The following ACTN4 variants were observed in gnomAD, a reference collection of about 807,000 sequenced individuals.
ACTN4 encodes actinin alpha 4.
A neutral mutation model predicts 114.2 loss-of-function variants in ACTN4; 18 were observed. The observed-to-expected ratio is 0.16, with a 90% confidence interval of 0.11 to 0.23. The LOEUF is 0.23. Among genes scored for constraint, ACTN4 ranks in the 10% least tolerant of loss-of-function variants. ACTN4 has a pLI of 1.00. For missense variants in ACTN4, 722 were observed against 1,262.9 expected (o/e 0.57, Z 6.49); for synonymous variants, 515 against 506.3 (o/e 1.02, Z -0.23).
At chr19:38,689,487 T>G (rs1430904075) in intron 1 of ACTN4, among the ~76,000 whole-genome samples, 1 of 151,818 alleles carries the variant, frequency 6.6e-6, no homozygotes, top group Non-Finnish European at 1.5e-5. Flanking sequence ...GTTCCTTGTA[T>G]TTTTGGTTTT....
chr19:38,686,601 G>A (rs1967751046), intron 1 of ACTN4, among the ~76,000 whole-genome samples: 1 of 152,220 alleles, frequency 6.6e-6, no homozygotes, highest in Non-Finnish European at 1.5e-5. Context: ...TTTCAAGGTA[G>A]GCCTCACCAT....
chr19:38,692,203 A>G (rs1294059322), intron 1 of ACTN4, among the ~76,000 whole-genome samples: 5 of 152,214 alleles, frequency 3.3e-5, no homozygotes, highest in Non-Finnish European at 7.3e-5. Flanking sequence ...TTGCTTTCAA[A>G]TTAGGTTATG....
At chr19:38,709,023 C>G (rs1222991144) in intron 6 of ACTN4, among the ~76,000 whole-genome samples, 6 of 152,162 alleles carry the variant, frequency 3.9e-5, no homozygotes, top group Admixed American at 3.9e-4. Flanking sequence ...GCTCCCCTTA[C>G]CCAGTCCCCA....
chr19:38,687,109 G>A (rs1424525708), intron 1 of ACTN4, among the ~76,000 whole-genome samples: 4 of 151,982 alleles, frequency 2.6e-5, no homozygotes, highest in African/African-American at 7.3e-5. Context: ...GATTACAGGC[G>A]TGTGCCACCA....
At chr19:38,721,861 T>A in intron 12 of ACTN4, 173 bp downstream of exon 12, 1 of 940,176 alleles carries the variant, frequency 1.1e-6, no homozygotes, top group Non-Finnish European at 1.7e-6. Flanking sequence ...ATGAGGCCTT[T>A]TGCCCATCCT....
intron 1 of ACTN4, among the ~76,000 whole-genome samples, chr19:38,694,312 T>C (rs1243602454): frequency 6.6e-6 from 1 of 150,782 alleles, no homozygotes; most frequent in Admixed American, 6.6e-5. Flanking sequence ...CAGGCTGGAG[T>C]GCAGTGGCGC....
At chr19:38,676,453 G>A (rs561132329) in intron 1 of ACTN4, among the ~76,000 whole-genome samples, 2 of 152,328 alleles carry the variant, frequency 1.3e-5, no homozygotes, top group Admixed American at 1.3e-4. Flanking sequence ...AGACGAGTGT[G>A]TTGTATAGCA....
Position 38,727,885 on chromosome 19 carries a change from TC to T in ACTN4, c.2338-58del. ...CCCTGCCCTCTGCATGTGACCCCGA[TC>T]CCTCATCCTGGTCTCCACGCCGCCC... On this transcript the variant is annotated intron_variant, in intron 18 of 20. Transcript: ENST00000252699. This position sits in a 1 kb window ranked among gnomAD's most constrained non-coding sequence, Gnocchi z 5.4. The T allele has an allele frequency of 6.5e-7, 1 of 1,526,720 alleles. No individual in the cohort carries two copies. The highest frequency in any genetic ancestry group is 9.0e-7 in the Non-Finnish European group (1 of 1,106,930). 94.6% of individuals were successfully genotyped at this position (1,526,720 alleles called of 1,614,324 possible). A position where few individuals can be genotyped will look rare whatever the true frequency, so the allele number is the denominator to read the frequency against.
At chr19:38,698,400 GGTGA>G (rs1476455065) in intron 1 of ACTN4, among the ~76,000 whole-genome samples, 1 of 152,202 alleles carries the variant, frequency 6.6e-6, no homozygotes, top group Non-Finnish European at 1.5e-5. Flanking sequence ...AGGCTGGGAA[GGTGA>G]GTTAGTACTC....
At chr19:38,668,969 G>A (rs1006202220) in intron 1 of ACTN4, among the ~76,000 whole-genome samples, 1 of 152,088 alleles carries the variant, frequency 6.6e-6, no homozygotes, top group African/African-American at 2.4e-5. Flanking sequence ...CCCCAGGGCT[G>A]AGGAGTCACC....
rs777270079 is a variant in ACTN4, at chr19:38,724,367, G to A, written c.1875+28G>A. The A allele has an allele frequency of 2.5e-6, 4 of 1,612,360 alleles. No individual in the cohort carries two copies. In the African/African-American group the frequency reaches 5.3e-5, roughly 22 times the overall value. On this transcript the variant is annotated intron_variant, in intron 15 of 20. Coordinates refer to ENST00000252699, the MANE Select transcript of ACTN4 (RefSeq NM_004924.6). The surrounding 1 kb of genome is among the most constrained non-coding windows in gnomAD (Gnocchi z 7.0). ...GGGCCGGGGCCATCCGTAGGGGCTG[G>A]GGCAGGACGGCGGGGCTGGGGGCCA...
chr19:38,664,748 C>G (rs1966904239), intron 1 of ACTN4, among the ~76,000 whole-genome samples: 1 of 151,988 alleles, frequency 6.6e-6, no homozygotes, highest in Non-Finnish European at 1.5e-5. Flanking sequence ...GTTAAGACTT[C>G]CGGGGAGGCC....
At position 38,705,029 on chromosome 19, in the gene ACTN4, C is replaced by T. The variant is rs1262562764; in HGVS notation, c.484+9C>T. The T allele has an allele frequency of 6.2e-7, 1 of 1,612,832 alleles. No homozygotes were observed. The highest frequency in any genetic ancestry group is 1.3e-5 in the African/African-American group (1 of 74,894). On this transcript the variant is annotated intron_variant, in intron 4 of 20. Coordinates refer to ENST00000252699, the MANE Select transcript of ACTN4 (RefSeq NM_004924.6). The stretch of plus-strand genomic sequence containing the variant: ...GGACATCTCCGTGGAAGGTGACAGC[C>T]ACCTGTACTGCCCCCGCTTCCCACC...
intron 1 of ACTN4, among the ~76,000 whole-genome samples, chr19:38,694,094 A>G (rs1358271071): frequency 6.6e-6 from 1 of 152,034 alleles, no homozygotes; most frequent in African/African-American, 2.4e-5. Flanking sequence ...TCCTCCCTAG[A>G]TAGGTCAAGG....
At chr19:38,711,243 C>G in intron 8 of ACTN4, 139 of 920,802 alleles carry the variant, frequency 1.5e-4, no homozygotes, top group Non-Finnish European at 1.7e-4. Context: ...CTCTCTCCTG[C>G]CTCTCTCTCT....
At chr19:38,667,958 T>G (rs1251058655) in intron 1 of ACTN4, among the ~76,000 whole-genome samples, 1 of 152,144 alleles carries the variant, frequency 6.6e-6, no homozygotes, top group African/African-American at 2.4e-5. Flanking sequence ...CAAGCTGGCT[T>G]CCTATTTATA....
At chr19:38,689,014 C>G (rs1232013159) in intron 1 of ACTN4, among the ~76,000 whole-genome samples, 1 of 152,148 alleles carries the variant, frequency 6.6e-6, no homozygotes, top group Non-Finnish European at 1.5e-5. Flanking sequence ...TGAGCCACCA[C>G]GCCCAGCCAA....
Position 38,695,223 on chromosome 19 carries a change from C to A in ACTN4, c.163-5377C>A, listed in dbSNP as rs547326415. 2.0e-5 allele frequency among the ~76,000 whole-genome samples: 3 copies of A among 152,314 alleles called. No individual in the cohort carries two copies. The South Asian group carries it at 6.2e-4, about 32-fold the overall frequency. On this transcript the variant is annotated intron_variant, in intron 1 of 20. Coordinates refer to ENST00000252699, the MANE Select transcript of ACTN4 (RefSeq NM_004924.6). ...GTTTTGCTTCCTCCTGTGTCCAGTA[C>A]ATAATAGGGCTCCAAGTCAGTATTT...
At chr19:38,658,125 GGGGATGAAGGCCCTCT>G (rs1350756122) in intron 1 of ACTN4, among the ~76,000 whole-genome samples, 1 of 152,232 alleles carries the variant, frequency 6.6e-6, no homozygotes, top group Non-Finnish European at 1.5e-5. Flanking sequence ...TTGCCAGGTA[GGGGATGAAGGCCCTCT>G]GTCCTCGGGG....
Sources: allele counts gnomAD v4.1 joint callset (sites outside exome capture counted in the v4.1 genomes callset), GRCh38; gene constraint gnomAD v4.1.1; non-coding constraint Gnocchi (gnomAD v3.1); transcripts MANE v1.5; gene names NCBI Gene and HGNC (gene_info 2026-07-23, HGNC 2026-07-21).